Variants in ABL1 observed in about 807,000 individuals in gnomAD.
ABL1 encodes the protein ABL proto-oncogene 1, non-receptor tyrosine kinase.
Under a neutral mutation model 94.7 loss-of-function variants are expected in ABL1, and 11 were observed. That is an observed-to-expected ratio of 0.12 (90% CI 0.07 to 0.19). The LOEUF (loss-of-function observed/expected upper bound fraction) is 0.19, where lower values mean the gene tolerates loss of function less well. Ranked by LOEUF, ABL1 falls within the 10% of genes least tolerant of loss-of-function variation. ABL1 has a pLI of 1.00. For missense variants in ABL1, 1,082 were observed against 1,489.4 expected, an observed-to-expected ratio of 0.73 and a Z score of 4.50; for synonymous variants, 656 against 622.4, an observed-to-expected ratio of 1.05 and a Z score of -0.80.
At chr9:130,851,748 G>A in intron 1 of ABL1, among the ~76,000 whole-genome samples, 1 of 148,324 alleles carries the variant, frequency 6.7e-6, no homozygotes, top group East Asian at 2.0e-4. Flanking sequence ...TTTCAAATTA[G>A]AATTTTCCTC....
intron 8 of ABL1, among the ~76,000 whole-genome samples, chr9:130,879,340 C>T (rs900159327): frequency 2.9e-4 from 44 of 152,176 alleles, no homozygotes; most frequent in Non-Finnish European, 4.1e-4. Context: ...AGATCTCTCC[C>T]TCTCCCTACC....
intron 1 of ABL1, among the ~76,000 whole-genome samples, chr9:130,781,874 G>A (rs1829760439): frequency 6.6e-6 from 1 of 152,006 alleles, no homozygotes; most frequent in Non-Finnish European, 1.5e-5. Context: ...TAATGCAGTG[G>A]CTTTCAAGCA....
chr9:130,750,189 ATACATATAT>A (rs1831937921), intron 1 of ABL1, among the ~76,000 whole-genome samples: 1 of 69,814 alleles, frequency 1.4e-5, no homozygotes, highest in Non-Finnish European at 2.3e-5. Context: ...GAAAAAAAAA[ATACATATAT>A]ATATATATAT....
intron 1 of ABL1, among the ~76,000 whole-genome samples, chr9:130,785,677 C>T (rs1408090644): frequency 6.6e-6 from 1 of 152,048 alleles, no homozygotes; most frequent in Non-Finnish European, 1.5e-5. Context: ...AATCCCAGCA[C>T]TTCAGGAGGC....
intron 1 of ABL1, among the ~76,000 whole-genome samples, chr9:130,745,441 C>T (rs1390986895): frequency 2.6e-5 from 4 of 151,208 alleles, no homozygotes; most frequent in African/African-American, 4.9e-5. Flanking sequence ...CATAATAGAG[C>T]GCCTGCTGTT....
upstream of ABL1, among the ~76,000 whole-genome samples, chr9:130,832,153 T>G (rs1830501262): frequency 6.7e-6 from 1 of 150,018 alleles, no homozygotes. Context: ...AGATGGAGTC[T>G]CGCTCTGTTG....
chr9:130,759,420 C>T (rs1001438343), intron 1 of ABL1, among the ~76,000 whole-genome samples: 3 of 152,152 alleles, frequency 2.0e-5, no homozygotes, highest in Admixed American at 6.5e-5. Flanking sequence ...GTTGATGTTG[C>T]GAGTTGTCTC....
intron 1 of ABL1, among the ~76,000 whole-genome samples, chr9:130,822,432 G>A (rs965336566): frequency 2.0e-4 from 28 of 139,954 alleles, no homozygotes; most frequent in African/African-American, 6.5e-4. Context: ...ACCTATCCCC[G>A]CCCCTGCTTT....
chr9:130,713,966 G>T (rs901724977), exon 1 of ABL1: 3 of 246,932 alleles, frequency 1.2e-5, no homozygotes, highest in Middle Eastern at 1.1e-3. Flanking sequence ...GAAATGACTA[G>T]CATTATTGAC....
chr9:130,859,148 T>TCTGC (rs1251914513), intron 3 of ABL1, among the ~76,000 whole-genome samples: 1 of 152,240 alleles, frequency 6.6e-6, no homozygotes, highest in African/African-American at 2.4e-5. Context: ...TTCACCACCT[T>TCTGC]CTGCCTAAAG....
At chr9:130,837,165 AT>A (rs1298440242) in intron 1 of ABL1, among the ~76,000 whole-genome samples, 3 of 152,196 alleles carry the variant, frequency 2.0e-5, no homozygotes, top group Non-Finnish European at 4.4e-5. Flanking sequence ...AGAGCCTAGC[AT>A]TTGGAGGGTG....
At chr9:130,808,758 C>T (rs1352370499) in intron 1 of ABL1, among the ~76,000 whole-genome samples, 2 of 152,208 alleles carry the variant, frequency 1.3e-5, no homozygotes. Flanking sequence ...TTTGTATACT[C>T]AACTACTTAT....
At chr9:130,761,877 T>G (rs908337125) in intron 1 of ABL1, among the ~76,000 whole-genome samples, 10 of 152,216 alleles carry the variant, frequency 6.6e-5, no homozygotes, top group African/African-American at 2.4e-4. Flanking sequence ...GCTCAGTGGC[T>G]CACACCTGTA....
chr9:130,884,615 G>A lies in ABL1; in HGVS notation c.2325G>A (p.Val775=), dbSNP rs1191176820. Residue 775 remains valine (V), a synonymous_variant, in exon 11 of 11, where the codon GTG becomes GTA. Coordinates refer to ENST00000318560, the MANE Select transcript of ABL1 (RefSeq NM_005157.6). The surrounding 1 kb of genome is among the most constrained non-coding windows in gnomAD (Gnocchi z 5.6). The part of the protein sequence containing the change: ...KRAGENRSDQ[V]TRGTVTPPPR... ...CAGGGGAGAACAGGTCTGACCAGGT[G>A]ACCCGAGGCACAGTAACGCCTCCCC... 1 of 1,613,386 alleles carries A rather than the reference G, an allele frequency of 6.2e-7. No individual in the cohort carries two copies. Among genetic ancestry groups the A allele is most frequent in the Admixed American group, 1.7e-5 (1 of 60,032 alleles).
At chr9:130,789,341 G>A (rs889591335) in intron 1 of ABL1, among the ~76,000 whole-genome samples, 51 of 152,320 alleles carry the variant, frequency 3.3e-4, no homozygotes, top group African/African-American at 1.2e-3. Flanking sequence ...GCTCCCACAT[G>A]GGTGTAGAAA....
At chr9:130,795,907 A>G (rs1829967766) in intron 1 of ABL1, among the ~76,000 whole-genome samples, 1 of 152,246 alleles carries the variant, frequency 6.6e-6, no homozygotes, top group Non-Finnish European at 1.5e-5. Flanking sequence ...ATAGGGATTT[A>G]TAGGCTGGGC....
At chr9:130,860,606 C>T (rs890189622) in intron 3 of ABL1, among the ~76,000 whole-genome samples, 6 of 152,182 alleles carry the variant, frequency 3.9e-5, no homozygotes, top group Admixed American at 3.3e-4. Context: ...GACTTGCTCC[C>T]AGGTGCCCTG....
chr9:130,884,367 C>T lies in ABL1; in HGVS notation c.2077C>T (p.Leu693=), dbSNP rs2133035764. 6.2e-7 allele frequency: 1 copy of T among 1,612,004 alleles called. No homozygotes were observed. The highest frequency in any genetic ancestry group is 8.5e-7 in the Non-Finnish European group (1 of 1,179,808). Residue 693 remains leucine (L), a synonymous_variant, in exon 11 of 11, where the codon CTG becomes TTG. Coordinates refer to ENST00000318560, the MANE Select transcript of ABL1 (RefSeq NM_005157.6). This position sits in a 1 kb window ranked among gnomAD's most constrained non-coding sequence, Gnocchi z 5.6. ...CCACCTGTGGAAGAAGTCCAGCACG[C>T]TGACCAGCAGCCGCCTAGCCACCGG... is the stretch of plus-strand genomic sequence containing the variant. ...SPHLWKKSST[L]TSSRLATGEE...
chr9:130,853,411 T>A (rs1263720749), intron 1 of ABL1, among the ~76,000 whole-genome samples: 1 of 150,754 alleles, frequency 6.6e-6, no homozygotes, highest in African/African-American at 2.4e-5. Context: ...CCTGACCTCA[T>A]GATCCACCCC....
Sources: allele counts gnomAD v4.1 joint callset (sites outside exome capture counted in the v4.1 genomes callset), GRCh38; gene constraint gnomAD v4.1.1; non-coding constraint Gnocchi (gnomAD v3.1); transcripts MANE v1.5; gene names NCBI Gene and HGNC (gene_info 2026-07-23, HGNC 2026-07-21).